Variants in SCD5 observed in about 807,000 individuals in gnomAD.
SCD5 encodes the protein stearoyl-CoA desaturase 5.
SCD5 carries 20 observed loss-of-function variants against 30.4 expected under a neutral mutation model. The ratio of observed to expected loss-of-function variants is 0.66; its 90% CI spans 0.46 to 0.96. SCD5 has a LOEUF of 0.96. Ranked by LOEUF, SCD5 falls within the 40% of genes least tolerant of loss-of-function variation. SCD5 has a pLI of 0.00. For synonymous variants in SCD5, 173 were observed against 176.4 expected, an observed-to-expected ratio of 0.98 and a Z score of 0.16; for missense variants, 381 against 443.3, an observed-to-expected ratio of 0.86 and a Z score of 1.26.
chr4:82,793,529 A>T (rs1467391984), intron 1 of SCD5, among the ~76,000 whole-genome samples: 1 of 152,214 alleles, frequency 6.6e-6, no homozygotes, highest in Non-Finnish European at 1.5e-5. Context: ...TATGCAAGAG[A>T]GGCTGTGAAG....
intron 1 of SCD5, among the ~76,000 whole-genome samples, chr4:82,754,148 C>A (rs1254338842): frequency 6.6e-6 from 1 of 152,122 alleles, no homozygotes; most frequent in African/African-American, 2.4e-5. Context: ...GAAAACTTAT[C>A]TCCCCGTTTT....
chr4:82,748,380 AC>A (rs1028885909), intron 1 of SCD5, among the ~76,000 whole-genome samples: 8 of 152,098 alleles, frequency 5.3e-5, no homozygotes, highest in African/African-American at 1.7e-4. Flanking sequence ...CATTATTTCT[AC>A]CCAGTGTTTC....
intron 1 of SCD5, among the ~76,000 whole-genome samples, chr4:82,746,858 C>G (rs13116221): frequency 5.9e-5 from 9 of 151,840 alleles, no homozygotes. Context: ...CACTTTTACA[C>G]TCAAGGGTTG....
At chr4:82,749,551 A>G (rs1241088513) in intron 1 of SCD5, among the ~76,000 whole-genome samples, 2 of 152,240 alleles carry the variant, frequency 1.3e-5, no homozygotes, top group Admixed American at 1.3e-4. Flanking sequence ...ATAAATAGAA[A>G]AGTAAATAAC....
At chr4:82,730,762 T>TC (rs1332023643) in intron 1 of SCD5, among the ~76,000 whole-genome samples, 12 of 151,386 alleles carry the variant, frequency 7.9e-5, no homozygotes, top group African/African-American at 2.9e-4. Flanking sequence ...ATTTTTTGTA[T>TC]TTTAGTAGAG....
chr4:82,659,636 C>A (rs187126027), intron 3 of SCD5, among the ~76,000 whole-genome samples: 1 of 152,090 alleles, frequency 6.6e-6, no homozygotes, highest in Non-Finnish European at 1.5e-5. Flanking sequence ...GGTGGTTGTG[C>A]GGTTTTGAGT....
In SCD5 at chr4:82,731,835, C is replaced by T. The variant is rs373772802; in HGVS notation, c.233-26422G>A. On this transcript the variant is annotated intron_variant, in intron 1 of 4. Coordinates refer to ENST00000319540, the MANE Select transcript of SCD5 (RefSeq NM_001037582.3). ...GACCTGCTCCCCATTCCCTTCCGTC[C>T]CCAGAGGTAGTAAAGTGACTGGAAC... 1.1e-4 allele frequency among the ~76,000 whole-genome samples: 17 copies of T among 152,254 alleles called. No individual in the cohort carries two copies. In the East Asian group the frequency reaches 1.7e-3, roughly 16 times the overall value.
At chr4:82,794,651 T>C (rs1722170999) in intron 1 of SCD5, among the ~76,000 whole-genome samples, 1 of 119,400 alleles carries the variant, frequency 8.4e-6, no homozygotes, top group Admixed American at 7.8e-5. Flanking sequence ...ATTCTGTCCA[T>C]TTTTTTTTTT....
At chr4:82,747,092 C>T (rs935358802) in intron 1 of SCD5, among the ~76,000 whole-genome samples, 1 of 147,272 alleles carries the variant, frequency 6.8e-6, no homozygotes, top group Non-Finnish European at 1.5e-5. Context: ...GACGACCTTC[C>T]CACTCCATCC....
chr4:82,702,473 C>CTCCA (rs1719872586), intron 2 of SCD5, among the ~76,000 whole-genome samples: 2 of 152,038 alleles, frequency 1.3e-5, no homozygotes, highest in Non-Finnish European at 1.5e-5. Context: ...CTAAAAGTAT[C>CTCCA]TCCACCTTTC....
intron 1 of SCD5, among the ~76,000 whole-genome samples, chr4:82,721,140 G>A (rs1720361799): frequency 6.6e-6 from 1 of 152,112 alleles, no homozygotes; most frequent in African/African-American, 2.4e-5. Flanking sequence ...CGGTCTAGGT[G>A]ACAGAGTGAG....
chr4:82,632,045 A>ATTTC, intron 4 of SCD5, among the ~76,000 whole-genome samples: 1 of 150,812 alleles, frequency 6.6e-6, no homozygotes, highest in East Asian at 1.9e-4. Context: ...TTTCTTTATT[A>ATTTC]TTTATTATAC....
At chr4:82,742,604 T>A (rs1272956780) in intron 1 of SCD5, among the ~76,000 whole-genome samples, 5 of 152,050 alleles carry the variant, frequency 3.3e-5, no homozygotes, top group Non-Finnish European at 5.9e-5. Flanking sequence ...CTGGCCAACA[T>A]GGCAAAACTC....
intron 2 of SCD5, among the ~76,000 whole-genome samples, chr4:82,697,178 T>G (rs914154743): frequency 1.3e-5 from 2 of 152,234 alleles, no homozygotes; most frequent in Non-Finnish European, 2.9e-5. Context: ...GATTCCCAAT[T>G]GACAGGACTG....
Position 82,798,550 on chromosome 4 carries a change from T to C in SCD5, c.-13A>G, listed in dbSNP as rs781662010. On this transcript the variant is annotated 5_prime_UTR_variant, in exon 1 of 5. Coordinates refer to ENST00000319540, the MANE Select transcript of SCD5 (RefSeq NM_001037582.3). ...CCGGGCCTGGCATGGCTGGGCGAGG[T>C]GGGCGCCCGCAGCAGCGGCAGGCAG... The C allele has an allele frequency of 1.4e-5, 22 of 1,559,424 alleles. No individual in the cohort carries two copies. The East Asian group carries it at 5.0e-4, about 35-fold the overall frequency.
chr4:82,643,375 G>A (rs963300382), intron 3 of SCD5, among the ~76,000 whole-genome samples: 1 of 152,192 alleles, frequency 6.6e-6, no homozygotes, highest in Non-Finnish European at 1.5e-5. Flanking sequence ...ATATACAATA[G>A]AATGCTAGTC....
chr4:82,640,310 G>A (rs1303796825), intron 3 of SCD5, among the ~76,000 whole-genome samples: 1 of 152,214 alleles, frequency 6.6e-6, no homozygotes. Context: ...TTTCCCAGGG[G>A]TAAGGAGGAA....
chr4:82,670,471 A>C (rs1219542419), intron 3 of SCD5, among the ~76,000 whole-genome samples: 1 of 152,228 alleles, frequency 6.6e-6, no homozygotes, highest in Admixed American at 6.5e-5. Flanking sequence ...ACTAAAAATC[A>C]ATGAGAAGAA....
At chr4:82,651,942 G>T (rs1481787309) in intron 3 of SCD5, among the ~76,000 whole-genome samples, 3 of 152,102 alleles carry the variant, frequency 2.0e-5, no homozygotes. Context: ...GAAAAAATTG[G>T]CTAGGTAAAA....
Sources: allele counts gnomAD v4.1 joint callset (sites outside exome capture counted in the v4.1 genomes callset), GRCh38; gene constraint gnomAD v4.1.1; transcripts MANE v1.5; gene names NCBI Gene and HGNC (gene_info 2026-07-23, HGNC 2026-07-21).